The following KYNU variants were observed in gnomAD, a reference collection of about 807,000 sequenced individuals.
KYNU encodes the protein L-kynurenine hydrolase.
A neutral mutation model predicts 59.2 loss-of-function variants in KYNU; 54 were observed. That is an observed-to-expected ratio of 0.91 (90% confidence interval 0.73 to 1.14). The LOEUF (loss-of-function observed/expected upper bound fraction) is 1.14, where lower values mean the gene tolerates loss of function less well. Among genes scored for constraint, KYNU ranks in the 50% most tolerant of loss-of-function variants. KYNU has a pLI of 0.00. For synonymous variants in KYNU, 177 were observed against 192.0 expected (o/e 0.92, Z 0.65); for missense variants, 567 against 554.4 (o/e 1.02, Z -0.23).
intron 4 of KYNU, among the ~76,000 whole-genome samples, chr2:142,938,161 T>C (rs1262134391): frequency 6.6e-6 from 1 of 152,234 alleles, no homozygotes; most frequent in Non-Finnish European, 1.5e-5. Context: ...AGTCTTATTT[T>C]TTATTATGTC....
At position 142,968,254 on chromosome 2, in the gene KYNU, AAAG is replaced by A. The variant is rs1573852368; in HGVS notation, c.729+7489_729+7491del. On this transcript the variant is annotated intron_variant, in intron 8 of 13. Transcript: ENST00000264170. ...TGGATTGTCAGGGTGAGACCTTCTT[AAAG>A]AAGATGAGATCTGAGCCAATTATAG... Among the ~76,000 whole-genome samples the A allele has an allele frequency of 2.6e-5, 4 of 152,232 alleles. No individual in the cohort carries two copies. The South Asian group carries it at 8.3e-4, about 31-fold the overall frequency.
At position 142,951,739 on chromosome 2, in the gene KYNU, A is replaced by T. The variant is rs537742812; in HGVS notation, c.374-3071A>T. Among the ~76,000 whole-genome samples the T allele has an allele frequency of 8.5e-5, 13 of 152,382 alleles. No homozygotes were observed. In the East Asian group the frequency reaches 2.5e-3, roughly 29 times the overall value. Reference sequence around the variant, plus strand: ...TTGGACTAACCCTGTCCTTGGACAAAGGTCAGTAGCAGATGAAGATTGCAT... The same window carrying T: ...TTGGACTAACCCTGTCCTTGGACAATGGTCAGTAGCAGATGAAGATTGCAT... On this transcript the variant is annotated intron_variant, in intron 4 of 13. Transcript: ENST00000264170.
chr2:143,026,829 C>T (rs576369172), intron 10 of KYNU, among the ~76,000 whole-genome samples: 1 of 152,328 alleles, frequency 6.6e-6, no homozygotes, highest in Non-Finnish European at 1.5e-5. Flanking sequence ...TTCCACCAGC[C>T]AGGGTGAAGA....
At chr2:142,880,543 C>T (rs1310279668) in intron 1 of KYNU, among the ~76,000 whole-genome samples, 1 of 152,186 alleles carries the variant, frequency 6.6e-6, no homozygotes, top group Non-Finnish European at 1.5e-5. Context: ...GACAGTATTC[C>T]TCCTAGACCC....
chr2:142,960,903 A>G, intron 8 of KYNU, 133 bp downstream of exon 8: 1 of 1,097,018 alleles, frequency 9.1e-7, no homozygotes, highest in Admixed American at 1.9e-5. Flanking sequence ...AAAAAAAAAG[A>G]GTAAACCTTG....
At chr2:142,877,990 C>T (rs1414323951) in intron 1 of KYNU, among the ~76,000 whole-genome samples, 4 of 152,114 alleles carry the variant, frequency 2.6e-5, no homozygotes, top group Non-Finnish European at 4.4e-5. Context: ...ACATAGTGCA[C>T]TGAATATGGT....
At chr2:142,984,049 G>T (rs2105155655) in intron 8 of KYNU, among the ~76,000 whole-genome samples, 1 of 152,064 alleles carries the variant, frequency 6.6e-6, no homozygotes, top group East Asian at 1.9e-4. Context: ...TGACAAGTGA[G>T]AACTTTTTAG....
chr2:142,928,358 T>C (rs776258550), intron 4 of KYNU, among the ~76,000 whole-genome samples: 1 of 152,200 alleles, frequency 6.6e-6, no homozygotes, highest in African/African-American at 2.4e-5. Flanking sequence ...TTGTTTAAAA[T>C]TTAAGGTACT....
rs569219448 is a variant in KYNU at position 143,036,748 on chromosome 2, C to T, written c.1041+3427C>T. Among the ~76,000 whole-genome samples, 6 of 152,310 alleles carry T rather than the reference C, an allele frequency of 3.9e-5. No homozygotes were observed. The South Asian group carries it at 1.2e-3, about 32-fold the overall frequency. On this transcript the variant is annotated intron_variant, in intron 12 of 13. Transcript: ENST00000264170. ...CTACTTTACTTTTTATACTCCTAAG[C>T]AGTTGGGATGACAGACGTGAACCAC...
At chr2:142,916,281 A>G (rs1682665791) in intron 2 of KYNU, among the ~76,000 whole-genome samples, 1 of 152,190 alleles carries the variant, frequency 6.6e-6, no homozygotes, top group Admixed American at 6.5e-5. Flanking sequence ...AACATGCCCA[A>G]TCTGTGCCAG....
chr2:142,963,341 A>G (rs12472023), intron 8 of KYNU, among the ~76,000 whole-genome samples: 28,609 of 152,124 alleles, frequency 0.19, 3,375 homozygotes, highest in South Asian at 0.32. Flanking sequence ...TTGGGCTGCT[A>G]TAACAAAATA....
chr2:142,883,199 T>C (rs1359602617), intron 1 of KYNU, among the ~76,000 whole-genome samples: 1 of 130,952 alleles, frequency 7.6e-6, no homozygotes, highest in Non-Finnish European at 1.6e-5. Flanking sequence ...TTTTTTTTTT[T>C]TTTTTTTTTT....
In KYNU at chr2:142,957,637, T is replaced by C. The variant is rs1684212057; in HGVS notation, c.508-4T>C. On this transcript the variant is annotated splice_region_variant and splice_polypyrimidine_tract_variant and intron_variant, in intron 6 of 13. Transcript: ENST00000264170. ...TTGATAAATACATCATCTTTCCTTT[T>C]TAGTATGCTATTGAGTCACAACTAC... 2.6e-6 allele frequency: 4 copies of C among 1,567,046 alleles called. No individual in the cohort carries two copies. The highest frequency in any genetic ancestry group is 3.5e-6 in the Non-Finnish European group (4 of 1,137,668).
At chr2:142,985,468 AT>A (rs1404581370) in intron 9 of KYNU, among the ~76,000 whole-genome samples, 1 of 151,920 alleles carries the variant, frequency 6.6e-6, no homozygotes, top group Non-Finnish European at 1.5e-5. Context: ...CAAATTGATC[AT>A]CTTTTTAGTT....
chr2:142,944,121 T>C (rs1346365507), intron 4 of KYNU, among the ~76,000 whole-genome samples: 1 of 152,204 alleles, frequency 6.6e-6, no homozygotes. Context: ...TGAAAGAACA[T>C]TCTTATTTTA....
chr2:142,936,836 G>A (rs1289865203), intron 4 of KYNU, among the ~76,000 whole-genome samples: 1 of 152,156 alleles, frequency 6.6e-6, no homozygotes, highest in South Asian at 2.1e-4. Context: ...TGGGGTGGAG[G>A]GGTAGGCCCA....
intron 1 of KYNU, among the ~76,000 whole-genome samples, chr2:142,879,018 A>C (rs1440552924): frequency 6.6e-6 from 1 of 152,232 alleles, no homozygotes; most frequent in Non-Finnish European, 1.5e-5. Flanking sequence ...ACATTTGAAA[A>C]TTTGTAAAAT....
intron 3 of KYNU, among the ~76,000 whole-genome samples, chr2:142,925,581 A>G (rs1325075324): frequency 1.3e-5 from 2 of 152,176 alleles, no homozygotes; most frequent in Non-Finnish European, 2.9e-5. Context: ...TACTTGTACA[A>G]ATGTGGAAAA....
chr2:142,919,142 A>G (rs1008164157), intron 3 of KYNU, among the ~76,000 whole-genome samples: 1 of 152,230 alleles, frequency 6.6e-6, no homozygotes, highest in Non-Finnish European at 1.5e-5. Flanking sequence ...TTGAATCCAT[A>G]GAGAGGGAAT....
Sources: allele counts gnomAD v4.1 joint callset (sites outside exome capture counted in the v4.1 genomes callset), GRCh38; gene constraint gnomAD v4.1.1; transcripts MANE v1.5; gene names NCBI Gene and HGNC (gene_info 2026-07-23, HGNC 2026-07-21).